Variants in TAPBPL observed in about 807,000 individuals in gnomAD.
TAPBPL encodes the protein tapasin-related protein.
In TAPBPL, 32 loss-of-function variants were observed where a neutral mutation model predicts 44.8. The ratio of observed to expected loss-of-function variants is 0.71; its 90% CI spans 0.54 to 0.96. The LOEUF (loss-of-function observed/expected upper bound fraction) is 0.96, where lower values mean the gene tolerates loss of function less well. Among genes scored for constraint, TAPBPL ranks in the 40% least tolerant of loss-of-function variants. TAPBPL has a pLI of 0.00. For missense variants in TAPBPL, 520 were observed against 586.6 expected (o/e 0.89, Z 1.17); for synonymous variants, 230 against 240.7 (o/e 0.96, Z 0.41).
downstream of TAPBPL, among the ~76,000 whole-genome samples, chr12:6,469,861 C>CAACT (rs1292227581): frequency 6.6e-6 from 1 of 152,136 alleles, no homozygotes; most frequent in Non-Finnish European, 1.5e-5. Flanking sequence ...ATTTCTCCTC[C>CAACT]AACTATTTGG....
At chr12:6,461,085 T>C (rs1592140824) in intron 6 of TAPBPL, 147 bp downstream of exon 6, 1 of 1,463,690 alleles carries the variant, frequency 6.8e-7, no homozygotes. Context: ...TTGCCCTAAA[T>C]GAAAATGAAA....
chr12:6,467,794 G>C (rs976837513), downstream of TAPBPL, among the ~76,000 whole-genome samples: 2 of 152,242 alleles, frequency 1.3e-5, no homozygotes, highest in African/African-American at 4.8e-5. Context: ...GGGACTTAGT[G>C]CCCTGTGTCC....
At chr12:6,459,574 A>C (rs1949787633) in intron 5 of TAPBPL, among the ~76,000 whole-genome samples, 1 of 152,166 alleles carries the variant, frequency 6.6e-6, no homozygotes, top group South Asian at 2.1e-4. Context: ...ATGTCAATGA[A>C]TTTGCCCAAG....
At chr12:6,460,137 G>A (rs1949811311) in intron 5 of TAPBPL, among the ~76,000 whole-genome samples, 1 of 152,196 alleles carries the variant, frequency 6.6e-6, no homozygotes, top group African/African-American at 2.4e-5. Flanking sequence ...ACATCCAGGA[G>A]CACTGGGCAT....
downstream of TAPBPL, chr12:6,465,222 A>G: frequency 2.1e-6 from 1 of 481,716 alleles, no homozygotes; most frequent in Non-Finnish European, 3.9e-6. Context: ...GCATTCCAAT[A>G]GAGATACAGA....
At chr12:6,459,768 T>A (rs112795501) in intron 5 of TAPBPL, among the ~76,000 whole-genome samples, 20 of 128,480 alleles carry the variant, frequency 1.6e-4, no homozygotes, top group African/African-American at 4.8e-4. Context: ...TTATTTATTT[T>A]ATTTTATTTT....
chr12:6,463,726 T>A, downstream of TAPBPL: 1 of 1,151,514 alleles, frequency 8.7e-7, no homozygotes, highest in Non-Finnish European at 1.1e-6. This position sits in a 1 kb window ranked among gnomAD's most constrained non-coding sequence, Gnocchi z 4.0. Context: ...CTGTAGAAAA[T>A]GTAAAGAAGA....
At position 6,457,342 on chromosome 12, in the gene TAPBPL, T is replaced by G. The variant is rs188801141; in HGVS notation, c.566-64T>G. ...TGTATGCCCACAACATGCCCACAGCTTGGAGATCAGGTGACCTCAAGGAGG... is the reference window on the plus strand; with the variant it reads ...TGTATGCCCACAACATGCCCACAGCGTGGAGATCAGGTGACCTCAAGGAGG... On this transcript the variant is annotated intron_variant, in intron 3 of 6. Transcript: ENST00000266556. 1.3e-5 allele frequency: 19 copies of G among 1,511,404 alleles called. No individual in the cohort carries two copies. In the East Asian group the frequency reaches 4.3e-4, roughly 34 times the overall value. 93.6% of individuals were successfully genotyped at this position (1,511,404 alleles called of 1,614,324 possible).
At chr12:6,469,058 G>T (rs1945702917), downstream of TAPBPL, among the ~76,000 whole-genome samples, 1 of 152,160 alleles carries the variant, frequency 6.6e-6, no homozygotes, top group Non-Finnish European at 1.5e-5. Flanking sequence ...AGTCTAAAAA[G>T]ATAGAGAATA....
Position 6,453,017 on chromosome 12 carries a change from T to C in TAPBPL, c.65-50T>C, listed in dbSNP as rs200713658. 3.9e-6 allele frequency: 6 copies of C among 1,520,994 alleles called. No individual in the cohort carries two copies. The South Asian group carries it at 7.2e-5, about 18-fold the overall frequency. 94.2% of individuals were successfully genotyped at this position (1,520,994 alleles called of 1,614,324 possible). On this transcript the variant is annotated intron_variant, in intron 1 of 6. Transcript: ENST00000266556. This position sits in a 1 kb window ranked among gnomAD's most constrained non-coding sequence, Gnocchi z 4.8. Reference sequence around the variant, plus strand: ...TGAGGGCGGGGGCAGGAAGCAAGTGTGGAGTAGCTTTCTGGGGAAGGCGGT... The same window carrying C: ...TGAGGGCGGGGGCAGGAAGCAAGTGCGGAGTAGCTTTCTGGGGAAGGCGGT...
chr12:6,461,774 T>G (rs1949869146), intron 6 of TAPBPL, among the ~76,000 whole-genome samples: 1 of 152,212 alleles, frequency 6.6e-6, no homozygotes, highest in Non-Finnish European at 1.5e-5. Flanking sequence ...AGACTTCTCC[T>G]TTTTATTCGT....
chr12:6,464,463 T>A (rs777865936), downstream of TAPBPL: 3 of 1,553,912 alleles, frequency 1.9e-6, no homozygotes, highest in Non-Finnish European at 2.6e-6. Context: ...GAAGGGGTGG[T>A]ACATTCTCAA....
intron 5 of TAPBPL, among the ~76,000 whole-genome samples, chr12:6,460,274 G>C (rs138365831): frequency 0.028 from 4,168 of 151,530 alleles, 115 homozygotes; most frequent in African/African-American, 0.066. Context: ...GTTTTATTTT[G>C]TTTTGTTTTG....
At chr12:6,461,395 G>A in intron 6 of TAPBPL, 1 of 1,003,828 alleles carries the variant, frequency 1.0e-6, no homozygotes, top group Non-Finnish European at 1.2e-6. Context: ...AGCCAGGTTG[G>A]TGGTGTGACG....
At chr12:6,463,108 T>C (rs762004559), downstream of TAPBPL, 6 of 1,510,894 alleles carry the variant, frequency 4.0e-6, no homozygotes, top group Non-Finnish European at 5.3e-6. The surrounding 1 kb of genome is among the most constrained non-coding windows in gnomAD (Gnocchi z 4.0). Flanking sequence ...GCCCCGAAGA[T>C]AGGCTGAGCA....
chr12:6,464,515 C>T (rs145237172), downstream of TAPBPL: 704 of 1,484,260 alleles, frequency 4.7e-4, 3 homozygotes, highest in African/African-American at 7.4e-3. Flanking sequence ...AAGTCCCAGA[C>T]GGAAAAGAGA....
downstream of TAPBPL, chr12:6,470,545 A>T (rs1481099444): frequency 3.1e-6 from 5 of 1,613,848 alleles, no homozygotes; most frequent in Non-Finnish European, 4.2e-6. Flanking sequence ...TCTGACAGAG[A>T]GAGTGAGGGT....
At chr12:6,465,795 C>T (rs373211133), downstream of TAPBPL, 240 of 1,607,078 alleles carry the variant, frequency 1.5e-4, 1 homozygote, top group African/African-American at 2.1e-3. Flanking sequence ...TTGCCTTCTA[C>T]CAGTGGAAGC....
the TAPBPL span, among the ~76,000 whole-genome samples, chr12:6,471,780 T>C: frequency 6.6e-6 from 1 of 151,650 alleles, no homozygotes; most frequent in Non-Finnish European, 1.5e-5. The surrounding 1 kb of genome is among the most constrained non-coding windows in gnomAD (Gnocchi z 4.0). Flanking sequence ...TGAGCCGAGA[T>C]CACGCCACTG....
Sources: allele counts gnomAD v4.1 joint callset (sites outside exome capture counted in the v4.1 genomes callset), GRCh38; gene constraint gnomAD v4.1.1; non-coding constraint Gnocchi (gnomAD v3.1); transcripts MANE v1.5; gene names NCBI Gene and HGNC (gene_info 2026-07-23, HGNC 2026-07-21).